Variants in GALNT13 observed in about 807,000 individuals in gnomAD.
GALNT13 encodes the protein polypeptide N-acetylgalactosaminyltransferase 13.
GALNT13 carries 28 observed loss-of-function variants against 64.2 expected under a neutral mutation model. That is an observed-to-expected ratio of 0.44 (90% CI 0.32 to 0.60). The LOEUF is 0.60. Ranked by LOEUF, GALNT13 falls within the 20% of genes least tolerant of loss-of-function variation. The probability of loss-of-function intolerance (pLI) is 0.05; values close to 1 mark genes in which losing one functional copy is unlikely to be tolerated. For missense variants in GALNT13, 577 were observed against 669.8 expected, an observed-to-expected ratio of 0.86 and a Z score of 1.53; for synonymous variants, 214 against 224.6, an observed-to-expected ratio of 0.95 and a Z score of 0.42.
intron 3 of GALNT13, among the ~76,000 whole-genome samples, chr2:153,950,170 T>G (rs1450045532): frequency 1.3e-5 from 2 of 151,868 alleles, no homozygotes; most frequent in South Asian, 4.1e-4. Context: ...AGAATATATA[T>G]AAAGCAAACG....
At chr2:153,672,228 C>T in the GALNT13 span, among the ~76,000 whole-genome samples, 11 of 152,292 alleles carry the variant, frequency 7.2e-5, no homozygotes, top group South Asian at 2.3e-3. Context: ...GAACCGTCCA[C>T]CCCAAATCAG....
chr2:154,370,431 A>T (rs927197504), intron 9 of GALNT13, among the ~76,000 whole-genome samples: 1 of 152,188 alleles, frequency 6.6e-6, no homozygotes, highest in African/African-American at 2.4e-5. Context: ...GTCAAAAAAT[A>T]ACTTGGGTGA....
intron 4 of GALNT13, among the ~76,000 whole-genome samples, chr2:154,169,175 C>CCCA (rs1487832305): frequency 6.6e-6 from 1 of 152,094 alleles, no homozygotes; most frequent in Non-Finnish European, 1.5e-5. Context: ...CCAAACATCT[C>CCCA]CCATTAGGCC....
intron 11 of GALNT13, among the ~76,000 whole-genome samples, chr2:154,428,667 TC>T (rs1308810164): frequency 6.6e-6 from 1 of 152,220 alleles, no homozygotes; most frequent in Non-Finnish European, 1.5e-5. Flanking sequence ...GCTTCATTTT[TC>T]CAACAGCATG....
chr2:153,813,587 A>T, the GALNT13 span, among the ~76,000 whole-genome samples: 1 of 152,094 alleles, frequency 6.6e-6, no homozygotes, highest in Non-Finnish European at 1.5e-5. Flanking sequence ...CAATTATTAG[A>T]AAAGACCTCA....
the GALNT13 span, among the ~76,000 whole-genome samples, chr2:153,073,667 A>T: frequency 6.6e-6 from 1 of 152,166 alleles, no homozygotes; most frequent in African/African-American, 2.4e-5. Context: ...TTTAAAACAA[A>T]GTGACCATTT....
intron 8 of GALNT13, among the ~76,000 whole-genome samples, chr2:154,270,739 C>T (rs1691309049): frequency 6.6e-6 from 1 of 151,624 alleles, no homozygotes. Flanking sequence ...GAACTAGATT[C>T]TGAAAGGCAT....
the GALNT13 span, among the ~76,000 whole-genome samples, chr2:153,397,640 T>C: frequency 4.0e-5 from 6 of 149,930 alleles, no homozygotes; most frequent in East Asian, 2.0e-4. Context: ...GGAATGTCTA[T>C]GAAGGCAAAA....
intron 6 of GALNT13, among the ~76,000 whole-genome samples, chr2:154,244,319 T>A (rs1689658863): frequency 6.6e-6 from 1 of 152,162 alleles, no homozygotes; most frequent in Non-Finnish European, 1.5e-5. Context: ...CCTCACAAGT[T>A]AAATCATTAA....
At chr2:153,651,087 C>T in the GALNT13 span, among the ~76,000 whole-genome samples, 1 of 152,010 alleles carries the variant, frequency 6.6e-6, no homozygotes, top group African/African-American at 2.4e-5. Flanking sequence ...GGCATTGTCC[C>T]TATAATTAAC....
At chr2:154,125,099 T>C (rs1197392956) in intron 3 of GALNT13, among the ~76,000 whole-genome samples, 1 of 152,124 alleles carries the variant, frequency 6.6e-6, no homozygotes, top group Admixed American at 6.5e-5. Flanking sequence ...GCCCATCCCA[T>C]AGACTTGTTA....
intron 3 of GALNT13, among the ~76,000 whole-genome samples, chr2:153,951,661 A>C (rs939064921): frequency 2.6e-5 from 4 of 152,174 alleles, no homozygotes; most frequent in Admixed American, 2.0e-4. Context: ...GTGGACTTTG[A>C]GTTTGTTTTG....
chr2:153,542,361 A>AC, the GALNT13 span, among the ~76,000 whole-genome samples: 1 of 70,458 alleles, frequency 1.4e-5, no homozygotes, highest in South Asian at 7.1e-4. Context: ...CACACACACA[A>AC]AAAAAAAACC....
At chr2:153,525,852 G>A in the GALNT13 span, among the ~76,000 whole-genome samples, 2 of 152,160 alleles carry the variant, frequency 1.3e-5, no homozygotes, top group African/African-American at 4.8e-5. Flanking sequence ...AGGCCAGAGA[G>A]CATTCACCAC....
At position 154,221,193 on chromosome 2, in the gene GALNT13, A is replaced by G. The variant is rs565106279; in HGVS notation, c.312-20837A>G. 2.8e-4 allele frequency among the ~76,000 whole-genome samples: 43 copies of G among 152,176 alleles called. No individual in the cohort carries two copies. The South Asian group carries it at 3.1e-3, about 11-fold the overall frequency. On this transcript the variant is annotated intron_variant, in intron 4 of 12. Transcript: ENST00000392825. ...TTTCTTGAATACAGGCTGTTACAGT[A>G]CTTGTTGATGCAAACAGAAAAATGC... is the stretch of plus-strand genomic sequence containing the variant.
chr2:153,870,441 C>G (rs1685848176), upstream of GALNT13, among the ~76,000 whole-genome samples: 1 of 151,906 alleles, frequency 6.6e-6, no homozygotes, highest in Non-Finnish European at 1.5e-5. Flanking sequence ...CACAGTTTTT[C>G]TCAGTATGCC....
the GALNT13 span, among the ~76,000 whole-genome samples, chr2:153,126,713 G>C: frequency 6.6e-6 from 1 of 152,126 alleles, no homozygotes; most frequent in African/African-American, 2.4e-5. Context: ...CTGGAATTTA[G>C]CATTTAGAAC....
the GALNT13 span, among the ~76,000 whole-genome samples, chr2:153,481,922 T>G: frequency 6.6e-6 from 1 of 152,176 alleles, no homozygotes; most frequent in East Asian, 1.9e-4. Context: ...TGGGGCAAGC[T>G]TTTTAAAAAA....
the GALNT13 span, among the ~76,000 whole-genome samples, chr2:153,530,459 C>T: frequency 9.7e-4 from 148 of 152,174 alleles, no homozygotes; most frequent in African/African-American, 3.3e-3. Context: ...AAGCAATCTA[C>T]AGATTCAATG....
Sources: gnomAD v4.1 joint callset for allele counts (sites outside exome capture counted in the v4.1 genomes callset) on GRCh38, gnomAD v4.1.1 for gene constraint, MANE v1.5 for transcripts, NCBI Gene and HGNC (gene_info 2026-07-23, HGNC 2026-07-21) for gene names.